FGD3: variants seen among roughly 807,000 people sequenced by gnomAD.
FGD3 encodes the protein FYVE, RhoGEF and PH domain-containing protein 3.
Under a neutral mutation model 71.8 loss-of-function variants are expected in FGD3, and 45 were observed. The observed-to-expected ratio is 0.63, with a 90% CI of 0.49 to 0.80. The LOEUF is 0.80. FGD3 is among the 30% of genes least tolerant of loss of function. The pLI is 0.00. For missense variants in FGD3, 844 were observed against 951.5 expected (o/e 0.89, Z 1.49); for synonymous variants, 378 against 392.8 (o/e 0.96, Z 0.44).
At chr9:92,971,577 T>C (rs1436600922) in intron 1 of FGD3, among the ~76,000 whole-genome samples, 127 of 132,664 alleles carry the variant, frequency 9.6e-4, no homozygotes, top group African/African-American at 3.4e-3. Flanking sequence ...TTTTTTTTTT[T>C]TTTTTTTTTT....
chr9:93,012,689 G>GC (rs1861467817), intron 8 of FGD3, among the ~76,000 whole-genome samples: 1 of 124,930 alleles, frequency 8.0e-6, no homozygotes, highest in Non-Finnish European at 1.7e-5. Flanking sequence ...GGCGGTGGCG[G>GC]GGTGTGGGGG....
chr9:93,031,527 C>T (rs1337440998), intron 15 of FGD3, among the ~76,000 whole-genome samples: 2 of 152,184 alleles, frequency 1.3e-5, no homozygotes, highest in African/African-American at 2.4e-5. Context: ...TTCCTGCTTC[C>T]TCACACAAGA....
chr9:92,966,119 C>T (rs774740040), intron 1 of FGD3, among the ~76,000 whole-genome samples: 27 of 152,324 alleles, frequency 1.8e-4, no homozygotes, highest in Non-Finnish European at 3.5e-4. Flanking sequence ...CATTTCTCCC[C>T]GTGTCCTGCC....
intron 15 of FGD3, chr9:93,032,379 ATTGT>A (rs1460107061): frequency 1.5e-5 from 3 of 198,256 alleles, no homozygotes; most frequent in Non-Finnish European, 3.2e-5. Context: ...CGCTGTTGTC[ATTGT>A]TTGTCTGGAA....
At chr9:92,957,102 G>A (rs1859068322) in intron 1 of FGD3, among the ~76,000 whole-genome samples, 1 of 152,164 alleles carries the variant, frequency 6.6e-6, no homozygotes, top group South Asian at 2.1e-4. Context: ...GCATTCTCCA[G>A]TTGTCAGACA....
In FGD3 at chr9:93,035,692, G is replaced by A. The variant is rs1862574576; in HGVS notation, c.*103G>A. On this transcript the variant is annotated 3_prime_UTR_variant, in exon 18 of 18. Coordinates refer to ENST00000375482, the MANE Select transcript of FGD3 (RefSeq NM_001083536.2). ...AGAGCGCCCTGGACTGCTGAGGGTG[G>A]GCCAACAGCCCAGAGCTCAGGACAC... 7.6e-6 allele frequency: 11 copies of A among 1,446,016 alleles called. No individual in the cohort carries two copies. In the Admixed American group the frequency reaches 1.7e-4, roughly 22 times the overall value. 89.6% of individuals were successfully genotyped at this position (1,446,016 alleles called of 1,614,324 possible).
intron 1 of FGD3, among the ~76,000 whole-genome samples, chr9:92,953,860 C>T (rs1859002763): frequency 6.6e-6 from 1 of 152,152 alleles, no homozygotes; most frequent in Admixed American, 6.5e-5. Context: ...GTTTCTCAAC[C>T]ACATCTTTCA....
At chr9:92,959,870 G>A (rs888358705) in intron 1 of FGD3, among the ~76,000 whole-genome samples, 2 of 151,110 alleles carry the variant, frequency 1.3e-5, no homozygotes, top group Admixed American at 6.6e-5. Context: ...AAGACCACAC[G>A]TCCCCACGTC....
At chr9:92,998,025 G>A (rs1402348734) in intron 3 of FGD3, among the ~76,000 whole-genome samples, 1 of 152,174 alleles carries the variant, frequency 6.6e-6, no homozygotes, top group African/African-American at 2.4e-5. Flanking sequence ...TGCCTCACTA[G>A]GTTGGCGAAG....
In FGD3 at chr9:92,976,698, G is replaced by A. The variant is rs1426874922; in HGVS notation, c.442G>A (p.Gly148Ser). 6 of 1,584,196 alleles carry A rather than the reference G, an allele frequency of 3.8e-6. No individual in the cohort carries two copies. Among genetic ancestry groups the A allele is most frequent in the Non-Finnish European group, 5.2e-6 (6 of 1,163,834 alleles). The change falls in exon 3 of 18, where the codon GGC becomes AGC. Residue 148 changes from glycine to serine, a missense_variant. Gly to Ser is a moderately conservative substitution (Grantham distance 56). Transcript: ENST00000375482. Reference sequence around the variant, plus strand: ...CCCCCAGAAGGCTGACAAGGATGCCGGCCTGGCCCAGGTAGGCTTCCCCTT... The same window carrying A: ...CCCCCAGAAGGCTGACAAGGATGCCAGCCTGGCCCAGGTAGGCTTCCCCTT... Reference protein sequence around the residue: ...NTPQKADKDAGLAQHSGPQKL... With the variant: ...NTPQKADKDASLAQHSGPQKL...
intron 3 of FGD3, among the ~76,000 whole-genome samples, chr9:92,981,836 G>A (rs1486536738): frequency 6.6e-6 from 1 of 151,966 alleles, no homozygotes; most frequent in Non-Finnish European, 1.5e-5. Flanking sequence ...CCAGTTGGCA[G>A]CAGTGATTCT....
chr9:92,959,033 C>T lies in FGD3; in HGVS notation c.-218+11304C>T, dbSNP rs183039797. Among the ~76,000 whole-genome samples the T allele has an allele frequency of 7.5e-3, 1,145 of 152,226 alleles. 7 individuals carry two copies. The highest frequency in any genetic ancestry group is 0.012 in the Admixed American group (189 of 15,282). The stretch of plus-strand genomic sequence containing the variant: ...GGAGTGCAGTGGCATGATCTTGGCT[C>T]ACTGCAACCTCCACCTCCCAGGTTC... On this transcript the variant is annotated intron_variant, in intron 1 of 17. Transcript: ENST00000375482.
intron 6 of FGD3, among the ~76,000 whole-genome samples, chr9:93,008,564 G>T (rs1861161493): frequency 6.6e-6 from 1 of 152,170 alleles, no homozygotes; most frequent in Non-Finnish European, 1.5e-5. Flanking sequence ...TCTTCTCCCT[G>T]CGTCCTGCCC....
intron 3 of FGD3, among the ~76,000 whole-genome samples, chr9:92,984,818 T>C (rs1179157336): frequency 6.6e-6 from 1 of 151,984 alleles, no homozygotes; most frequent in East Asian, 1.9e-4. Context: ...TTTCTTTTTT[T>C]TTTTTTTGGA....
At chr9:93,017,458 C>G (rs1225475843) in intron 10 of FGD3, among the ~76,000 whole-genome samples, 1 of 151,956 alleles carries the variant, frequency 6.6e-6, no homozygotes, top group Non-Finnish European at 1.5e-5. Flanking sequence ...TCAAAGCCCT[C>G]CCGACAGGGG....
intron 3 of FGD3, among the ~76,000 whole-genome samples, chr9:92,989,422 G>A (rs1297264942): frequency 2.0e-5 from 3 of 152,220 alleles, no homozygotes; most frequent in Non-Finnish European, 2.9e-5. Flanking sequence ...CACCGCACCT[G>A]GCCTCATCAG....
In FGD3 at chr9:93,009,280, T is replaced by C. The variant is rs532454028; in HGVS notation, c.838-966T>C. On this transcript the variant is annotated intron_variant, in intron 6 of 17. Coordinates refer to ENST00000375482, the MANE Select transcript of FGD3 (RefSeq NM_001083536.2). ...TCCGTCTCAAAAAAAAAAAAGTTTC[T>C]TGTAGGGAGATACTTGGAGATTATG... is the stretch of plus-strand genomic sequence containing the variant. Among the ~76,000 whole-genome samples, 12 of 151,926 alleles carry C rather than the reference T, an allele frequency of 7.9e-5. No homozygotes were observed. The South Asian group carries it at 1.5e-3, about 18-fold the overall frequency.
chr9:92,968,510 C>T (rs1859415259), intron 1 of FGD3, among the ~76,000 whole-genome samples: 1 of 151,592 alleles, frequency 6.6e-6, no homozygotes, highest in Non-Finnish European at 1.5e-5. Flanking sequence ...AGGGCATTTC[C>T]CAGGCTGAGA....
At chr9:93,015,191 C>T (rs1861620976) in intron 9 of FGD3, among the ~76,000 whole-genome samples, 1 of 152,092 alleles carries the variant, frequency 6.6e-6, no homozygotes, top group African/African-American at 2.4e-5. Flanking sequence ...CGTGGTGGCT[C>T]ATACCTGTAA....
Sources: allele counts gnomAD v4.1 joint callset (sites outside exome capture counted in the v4.1 genomes callset), GRCh38; gene constraint gnomAD v4.1.1; transcripts MANE v1.5; gene names NCBI Gene and HGNC (gene_info 2026-07-23, HGNC 2026-07-21).